Variants in LIMS1 observed in about 807,000 individuals in gnomAD.
LIMS1 encodes the protein LIM zinc finger domain containing 1.
A neutral mutation model predicts 44.1 loss-of-function variants in LIMS1; 18 were observed. The observed-to-expected ratio is 0.41, with a 90% confidence interval of 0.28 to 0.61. LIMS1 has a LOEUF of 0.61. LIMS1 is among the 20% of genes least tolerant of loss of function. LIMS1 has a pLI of 0.32. For missense variants in LIMS1, 201 were observed against 422.0 expected (o/e 0.48, Z 4.59); for synonymous variants, 93 against 149.1 (o/e 0.62, Z 2.74).
chr2:108,619,913 G>GT (rs1446927969), intron 1 of LIMS1, among the ~76,000 whole-genome samples: 7 of 152,080 alleles, frequency 4.6e-5, no homozygotes, highest in Non-Finnish European at 1.0e-4. Flanking sequence ...AGTATTACCG[G>GT]TTTTTTGTAT....
chr2:108,684,031 A>G (rs771275953), exon 10 of LIMS1: 3 of 1,125,428 alleles, frequency 2.7e-6, no homozygotes, highest in Non-Finnish European at 4.0e-6. Context: ...TATGCAAGAT[A>G]AGAGATTACC....
chr2:108,669,706 C>A (rs987266118), intron 2 of LIMS1, among the ~76,000 whole-genome samples: 5 of 145,556 alleles, frequency 3.4e-5, no homozygotes, highest in Admixed American at 1.4e-4. Context: ...AAAAAGGCTT[C>A]TTAGCATTTC....
intron 3 of LIMS1, among the ~76,000 whole-genome samples, chr2:108,671,821 A>C (rs937319663): frequency 6.6e-6 from 1 of 152,226 alleles, no homozygotes; most frequent in African/African-American, 2.4e-5. Flanking sequence ...TGTTGAATCA[A>C]AAACAAAAAT....
At chr2:108,635,791 C>T (rs575740094) in intron 1 of LIMS1, among the ~76,000 whole-genome samples, 1 of 152,214 alleles carries the variant, frequency 6.6e-6, no homozygotes, top group Non-Finnish European at 1.5e-5. Flanking sequence ...CTCCTCCCCC[C>T]CGTCTGTTCC....
intron 1 of LIMS1, among the ~76,000 whole-genome samples, chr2:108,538,442 GT>G (rs1200388295): frequency 6.6e-6 from 1 of 152,174 alleles, no homozygotes; most frequent in Admixed American, 6.5e-5. Context: ...GTGCTGAAGA[GT>G]GCATTCTGTG....
At chr2:108,538,184 C>G (rs760980584) in intron 1 of LIMS1, among the ~76,000 whole-genome samples, 6 of 152,194 alleles carry the variant, frequency 3.9e-5, no homozygotes, top group Non-Finnish European at 7.4e-5. Flanking sequence ...ACTTGAGAAG[C>G]AGGAGCTGCA....
chr2:108,629,394 G>A, intron 1 of LIMS1, among the ~76,000 whole-genome samples: 1 of 151,290 alleles, frequency 6.6e-6, no homozygotes, highest in African/African-American at 2.4e-5. Context: ...GAAATTGACT[G>A]CTTCAACTGT....
intron 1 of LIMS1, among the ~76,000 whole-genome samples, chr2:108,639,331 A>G (rs1689503669): frequency 6.6e-6 from 1 of 152,216 alleles, no homozygotes; most frequent in Admixed American, 6.5e-5. Flanking sequence ...AGAAAATCGT[A>G]TGTCCTTTGT....
At chr2:108,610,097 C>A (rs930922542) in intron 1 of LIMS1, among the ~76,000 whole-genome samples, 4 of 151,020 alleles carry the variant, frequency 2.6e-5, no homozygotes, top group Non-Finnish European at 4.4e-5. Context: ...GAGCCCAGAT[C>A]GTGCCACTGC....
chr2:108,542,642 C>A (rs541409643), intron 1 of LIMS1, among the ~76,000 whole-genome samples: 1 of 152,202 alleles, frequency 6.6e-6, no homozygotes, highest in Non-Finnish European at 1.5e-5. Context: ...CCTACCCTTA[C>A]GCTTATATCA....
At chr2:108,637,893 G>A (rs896194088) in intron 1 of LIMS1, among the ~76,000 whole-genome samples, 5 of 147,808 alleles carry the variant, frequency 3.4e-5, no homozygotes, top group East Asian at 2.0e-4. Flanking sequence ...ACAGTATCTC[G>A]CTGTGTCTCC....
At chr2:108,589,779 CT>C (rs1216168584) in intron 1 of LIMS1, among the ~76,000 whole-genome samples, 1 of 151,700 alleles carries the variant, frequency 6.6e-6, no homozygotes, top group African/African-American at 2.4e-5. Context: ...TTAATTTTTT[CT>C]TTATCTCGAT....
intron 1 of LIMS1, among the ~76,000 whole-genome samples, chr2:108,642,428 C>G (rs1377511890): frequency 1.4e-5 from 2 of 145,478 alleles, no homozygotes; most frequent in African/African-American, 5.2e-5. Flanking sequence ...GGCGCGATCT[C>G]GGCTCACTGC....
intron 1 of LIMS1, among the ~76,000 whole-genome samples, chr2:108,634,639 T>G (rs546430970): frequency 6.6e-6 from 1 of 152,328 alleles, no homozygotes; most frequent in South Asian, 2.1e-4. Context: ...GTGGTACACA[T>G]GGTCCTTTTC....
chr2:108,649,254 G>A (rs1007690088), intron 1 of LIMS1, among the ~76,000 whole-genome samples: 2 of 152,186 alleles, frequency 1.3e-5, no homozygotes, highest in African/African-American at 4.8e-5. Context: ...TTAGAGAAAT[G>A]CAAATCAAAA....
intron 1 of LIMS1, among the ~76,000 whole-genome samples, chr2:108,608,924 G>A: frequency 6.6e-6 from 1 of 152,166 alleles, no homozygotes; most frequent in East Asian, 1.9e-4. Flanking sequence ...ACTGCCACTA[G>A]AACGAGATGA....
chr2:108,629,156 C>T (rs921493610), intron 1 of LIMS1, among the ~76,000 whole-genome samples: 5 of 151,978 alleles, frequency 3.3e-5, no homozygotes, highest in African/African-American at 1.2e-4. Context: ...TCTAATTGAT[C>T]GGGGTAATGA....
chr2:108,596,846 G>C (rs1324944310), intron 1 of LIMS1, among the ~76,000 whole-genome samples: 3 of 150,582 alleles, frequency 2.0e-5, no homozygotes, highest in East Asian at 1.9e-4. Context: ...TAAAAAGGAG[G>C]GGGGCATGTT....
intron 1 of LIMS1, among the ~76,000 whole-genome samples, chr2:108,559,302 G>A (rs957865834): frequency 1.3e-5 from 2 of 152,166 alleles, no homozygotes; most frequent in Admixed American, 1.3e-4. Flanking sequence ...TGTCCTCAGC[G>A]ACATTAAAAC....
Sources: gnomAD v4.1 joint callset for allele counts (sites outside exome capture counted in the v4.1 genomes callset) on GRCh38, gnomAD v4.1.1 for gene constraint, MANE v1.5 for transcripts, NCBI Gene and HGNC (gene_info 2026-07-23, HGNC 2026-07-21) for gene names.